Variants in CIT observed in about 807,000 individuals in gnomAD.
CIT encodes citron Rho-interacting kinase.
A neutral mutation model predicts 272.7 loss-of-function variants in CIT; 79 were observed. That is an observed-to-expected ratio of 0.29 (90% CI 0.24 to 0.35). CIT has a LOEUF of 0.35. Among genes scored for constraint, CIT ranks in the 10% least tolerant of loss-of-function variants. The probability of loss-of-function intolerance (pLI) is 1.00; values close to 1 mark genes in which losing one functional copy is unlikely to be tolerated. For synonymous variants in CIT, 948 were observed against 995.6 expected, an observed-to-expected ratio of 0.95 and a Z score of 0.90; for missense variants, 1,909 against 2,618.3, an observed-to-expected ratio of 0.73 and a Z score of 5.91.
At chr12:119,801,449 C>T (rs1242594431) in intron 10 of CIT, among the ~76,000 whole-genome samples, 1 of 152,134 alleles carries the variant, frequency 6.6e-6, no homozygotes, top group Non-Finnish European at 1.5e-5. Context: ...AATTGCAATG[C>T]CTAAGATCTC....
intron 23 of CIT, among the ~76,000 whole-genome samples, chr12:119,747,115 G>A (rs1959532818): frequency 6.6e-6 from 1 of 152,126 alleles, no homozygotes; most frequent in African/African-American, 2.4e-5. Flanking sequence ...ACCTACACTT[G>A]CAACATTAGA....
intron 7 of CIT, among the ~76,000 whole-genome samples, chr12:119,829,789 C>A (rs1191475311): frequency 4.6e-5 from 7 of 152,102 alleles, no homozygotes; most frequent in African/African-American, 1.7e-4. Flanking sequence ...ACAGAAAATA[C>A]TCCAAAGCAA....
chr12:119,707,926 G>A (rs1956964121), intron 40 of CIT, among the ~76,000 whole-genome samples: 1 of 152,182 alleles, frequency 6.6e-6, no homozygotes, highest in Non-Finnish European at 1.5e-5. Context: ...ATTTCAAAAA[G>A]ACTATGGAAT....
At chr12:119,821,291 G>A (rs1283371333) in intron 9 of CIT, among the ~76,000 whole-genome samples, 62 of 147,292 alleles carry the variant, frequency 4.2e-4, no homozygotes, top group Non-Finnish European at 6.9e-4. Flanking sequence ...GCAAAACTCC[G>A]TCTCAAAAAA....
intron 46 of CIT, among the ~76,000 whole-genome samples, chr12:119,693,818 G>T (rs1956082309): frequency 6.6e-6 from 1 of 152,194 alleles, no homozygotes; most frequent in African/African-American, 2.4e-5. Flanking sequence ...GGACAGTCTT[G>T]CCCAAGATCT....
rs766445204 is a variant in CIT at position 119,690,286 on chromosome 12, G to A, written c.6051C>T (p.Pro2017=). The change falls in exon 47 of 48, where the codon CCC becomes CCT. Residue 2017 remains proline (P), a synonymous_variant. Transcript: ENST00000392521. The surrounding 1 kb of genome is among the most constrained non-coding windows in gnomAD (Gnocchi z 6.0). The part of the protein sequence containing the change: ...ELRRDKSPGR[P]LEREKSPGRM... The stretch of plus-strand genomic sequence containing the variant: ...GGCCGGGGGACTTCTCTCGCTCCAG[G>A]GGGCGGCCAGGAGACTTGTCCCTGC... The A allele has an allele frequency of 2.4e-4, 383 of 1,584,832 alleles. No homozygotes were observed. The highest frequency in any genetic ancestry group is 3.1e-4 in the Non-Finnish European group (359 of 1,174,066).
intron 23 of CIT, among the ~76,000 whole-genome samples, chr12:119,750,748 TATAGATAG>T (rs6144898): frequency 0.041 from 6,076 of 147,914 alleles, 174 homozygotes; most frequent in Admixed American, 0.088. Flanking sequence ...TATATATAGA[TATAGATAG>T]ATAGATAGAT....
intron 17 of CIT, 135 bp from the exon 18 acceptor site, chr12:119,771,045 C>T: frequency 9.9e-7 from 1 of 1,006,838 alleles, no homozygotes; most frequent in South Asian, 1.7e-5. Flanking sequence ...GAAGCAACAG[C>T]AGAGAAAATA....
At chr12:119,861,587 CAA>C (rs1253525877) in intron 3 of CIT, among the ~76,000 whole-genome samples, 5 of 125,590 alleles carry the variant, frequency 4.0e-5, no homozygotes, top group Non-Finnish European at 5.1e-5. Flanking sequence ...AACTCCATCT[CAA>C]AAAAAAAAAA....
chr12:119,834,390 C>A (rs1253567130), intron 5 of CIT, among the ~76,000 whole-genome samples, 162 bp from the exon 6 acceptor site: 1 of 152,160 alleles, frequency 6.6e-6, no homozygotes, highest in East Asian at 1.9e-4. Flanking sequence ...GAAGTCCCTG[C>A]CCTAAGGAAA....
At chr12:119,771,722 A>G (rs560474077) in intron 17 of CIT, among the ~76,000 whole-genome samples, 138 of 152,290 alleles carry the variant, frequency 9.1e-4, no homozygotes, top group Non-Finnish European at 1.5e-3. Flanking sequence ...CCAAGAAATT[A>G]TTAGATTTTC....
At chr12:119,849,849 CTAA>C (rs1970086786) in intron 5 of CIT, among the ~76,000 whole-genome samples, 1 of 152,084 alleles carries the variant, frequency 6.6e-6, no homozygotes, top group Admixed American at 6.6e-5. Context: ...CCATGCCCGG[CTAA>C]TTTTTCTGTA....
chr12:119,689,162 TAGTA>T (rs1202783330), intron 47 of CIT, among the ~76,000 whole-genome samples: 8 of 145,170 alleles, frequency 5.5e-5, no homozygotes, highest in Admixed American at 1.4e-4. Context: ...CTGGGCAACA[TAGTA>T]AGACCCTGTC....
intron 18 of CIT, among the ~76,000 whole-genome samples, chr12:119,769,249 T>C (rs953120182): frequency 2.6e-5 from 4 of 152,170 alleles, no homozygotes; most frequent in Admixed American, 6.5e-5. Flanking sequence ...CAGAACTCTC[T>C]ACTCCTCCAT....
chr12:119,747,706 G>A (rs1462848573), intron 23 of CIT, among the ~76,000 whole-genome samples: 1 of 152,144 alleles, frequency 6.6e-6, no homozygotes, highest in Admixed American at 6.5e-5. Context: ...GCAAGAGAGT[G>A]AGACTCCGTC....
At chr12:119,749,680 A>C (rs998019785) in intron 23 of CIT, among the ~76,000 whole-genome samples, 2 of 152,038 alleles carry the variant, frequency 1.3e-5, no homozygotes, top group African/African-American at 4.8e-5. Context: ...CATCTGCAAA[A>C]GCAACAGAGC....
chr12:119,769,663 A>C (rs1962864419), intron 18 of CIT, among the ~76,000 whole-genome samples: 1 of 152,218 alleles, frequency 6.6e-6, no homozygotes, highest in Non-Finnish European at 1.5e-5. Context: ...TGACGGAACA[A>C]GAGAACAGAA....
chr12:119,751,913 C>A, intron 23 of CIT, 137 bp downstream of exon 23: 1 of 766,876 alleles, frequency 1.3e-6, no homozygotes, highest in South Asian at 2.1e-5. Context: ...AGCCAATTTC[C>A]TGGCCACTGA....
At chr12:119,816,096 T>G in intron 9 of CIT, among the ~76,000 whole-genome samples, 1 of 152,114 alleles carries the variant, frequency 6.6e-6, no homozygotes, top group East Asian at 1.9e-4. Flanking sequence ...ATAATAAGCA[T>G]AAAGCACTTT....
Sources: gnomAD v4.1 joint callset for allele counts (sites outside exome capture counted in the v4.1 genomes callset) on GRCh38, gnomAD v4.1.1 for gene constraint, Gnocchi (gnomAD v3.1) non-coding constraint, MANE v1.5 for transcripts, NCBI Gene and HGNC (gene_info 2026-07-23, HGNC 2026-07-21) for gene names.